The following HACD3 variants were observed in gnomAD, a reference collection of about 807,000 sequenced individuals.
The protein encoded by HACD3 is 3-hydroxyacyl-CoA dehydratase 3, also known as very-long-chain (3R)-3-hydroxyacyl-CoA dehydratase 3.
A neutral mutation model predicts 55.2 loss-of-function variants in HACD3; 30 were observed. That is an observed-to-expected ratio of 0.54 (90% CI 0.41 to 0.74). The LOEUF (loss-of-function observed/expected upper bound fraction) is 0.74, where lower values mean the gene tolerates loss of function less well. Among genes scored for constraint, HACD3 ranks in the 30% least tolerant of loss-of-function variants. HACD3 has a pLI of 0.00. For missense variants in HACD3, 363 were observed against 440.1 expected, an observed-to-expected ratio of 0.82 and a Z score of 1.57; for synonymous variants, 141 against 151.7, an observed-to-expected ratio of 0.93 and a Z score of 0.52.
At chr15:65,544,101 C>T (rs770755828) in intron 1 of HACD3, among the ~76,000 whole-genome samples, 1 of 152,004 alleles carries the variant, frequency 6.6e-6, no homozygotes, top group African/African-American at 2.4e-5. Flanking sequence ...GGCGTGAACC[C>T]GGGAGGCGGA....
chr15:65,541,323 T>C (rs1326762505), intron 1 of HACD3, among the ~76,000 whole-genome samples: 1 of 152,228 alleles, frequency 6.6e-6, no homozygotes, highest in Admixed American at 6.5e-5. Context: ...AGCTTTCTTA[T>C]TACTTTGAGT....
intron 5 of HACD3, among the ~76,000 whole-genome samples, chr15:65,559,931 G>C (rs1198331035): frequency 1.3e-5 from 2 of 152,118 alleles, no homozygotes; most frequent in East Asian, 3.8e-4. Context: ...GAACAAGGAA[G>C]TTCTTTATGG....
At chr15:65,560,518 C>G (rs1287724586) in intron 5 of HACD3, among the ~76,000 whole-genome samples, 1 of 152,138 alleles carries the variant, frequency 6.6e-6, no homozygotes, top group Non-Finnish European at 1.5e-5. Flanking sequence ...CCAGATCAGG[C>G]CAAGTATGAT....
intron 1 of HACD3, among the ~76,000 whole-genome samples, chr15:65,536,761 A>G (rs1019309889): frequency 1.3e-5 from 2 of 152,088 alleles, no homozygotes; most frequent in Non-Finnish European, 2.9e-5. Context: ...AAAACAAAAC[A>G]AACAAACAAG....
In HACD3 at chr15:65,541,622, T is replaced by C. The variant is rs111783984; in HGVS notation, c.88-10054T>C. Among the ~76,000 whole-genome samples the C allele has an allele frequency of 2.6e-3, 401 of 152,308 alleles. 1 individual carries two copies. Among genetic ancestry groups the C allele is most frequent in the African/African-American group, 8.8e-3 (366 of 41,568 alleles). Reference sequence around the variant, plus strand: ...CAGAAAGCAGGGACAGTTCTATGATTTGGTATTTTGTGGTTGGCATAGTGA... The same window carrying C: ...CAGAAAGCAGGGACAGTTCTATGATCTGGTATTTTGTGGTTGGCATAGTGA... On this transcript the variant is annotated intron_variant, in intron 1 of 10. Transcript: ENST00000261875.
At chr15:65,575,953 G>A (rs1483818874) in intron 10 of HACD3, among the ~76,000 whole-genome samples, 4 of 152,132 alleles carry the variant, frequency 2.6e-5, no homozygotes, top group Non-Finnish European at 5.9e-5. Context: ...AATTAGCCAG[G>A]CATGGTGGTG....
chr15:65,571,214 T>G (rs2072344296), intron 8 of HACD3, among the ~76,000 whole-genome samples: 1 of 152,184 alleles, frequency 6.6e-6, no homozygotes, highest in South Asian at 2.1e-4. Flanking sequence ...AACTCACTTA[T>G]CCAGAAATAA....
At chr15:65,575,740 T>C (rs1259884481) in intron 10 of HACD3, among the ~76,000 whole-genome samples, 1 of 152,198 alleles carries the variant, frequency 6.6e-6, no homozygotes, top group Non-Finnish European at 1.5e-5. Context: ...AGATGTTCCC[T>C]GTATAATGAT....
chr15:65,550,667 T>C (rs1158465785), intron 1 of HACD3, among the ~76,000 whole-genome samples: 1 of 152,192 alleles, frequency 6.6e-6, no homozygotes, highest in Non-Finnish European at 1.5e-5. Context: ...ACAATAGTCG[T>C]TTATTGTCTC....
In HACD3 at chr15:65,576,154, T is replaced by C. The variant is rs541812485; in HGVS notation, c.1013-149T>C. On this transcript the variant is annotated intron_variant, in intron 10 of 10. Transcript: ENST00000261875. The stretch of plus-strand genomic sequence containing the variant: ...GCTTTGTGTCTATTGTATTGTTAAT[T>C]TGTTCTAAATTGTACTCCTTCCTGA... The C allele has an allele frequency of 9.9e-4, 1,145 of 1,160,122 alleles. 1 individual carries two copies. The highest frequency in any genetic ancestry group is 1.2e-3 in the Non-Finnish European group (952 of 827,632). 71.9% of individuals were successfully genotyped at this position (1,160,122 alleles called of 1,614,324 possible).
intron 8 of HACD3, among the ~76,000 whole-genome samples, chr15:65,570,742 A>T (rs1163244747): frequency 6.6e-6 from 1 of 152,202 alleles, no homozygotes; most frequent in Non-Finnish European, 1.5e-5. Context: ...TTACCAGACC[A>T]TACACACTCC....
intron 1 of HACD3, among the ~76,000 whole-genome samples, chr15:65,532,459 C>G (rs1407441096): frequency 6.6e-6 from 1 of 152,014 alleles, no homozygotes; most frequent in Non-Finnish European, 1.5e-5. Context: ...AACCCCATCT[C>G]TACTAAAAAT....
intron 6 of HACD3, among the ~76,000 whole-genome samples, chr15:65,563,727 T>C (rs916237571): frequency 6.6e-6 from 1 of 151,944 alleles, no homozygotes; most frequent in African/African-American, 2.4e-5. Flanking sequence ...TCCCAGTACT[T>C]TGGGAGGTCT....
At chr15:65,552,352 T>C (rs1489624990) in intron 2 of HACD3, among the ~76,000 whole-genome samples, 3 of 152,224 alleles carry the variant, frequency 2.0e-5, no homozygotes, top group Non-Finnish European at 2.9e-5. Flanking sequence ...TTTATTTATT[T>C]TGAGATTGAG....
chr15:65,545,261 C>G (rs1266624966), intron 1 of HACD3, among the ~76,000 whole-genome samples: 2 of 151,990 alleles, frequency 1.3e-5, no homozygotes, highest in African/African-American at 4.8e-5. Context: ...CATAAGGATG[C>G]CATAAGTAAC....
chr15:65,535,388 T>C (rs1456342003), intron 1 of HACD3, among the ~76,000 whole-genome samples: 2 of 152,174 alleles, frequency 1.3e-5, no homozygotes, highest in African/African-American at 2.4e-5. Context: ...GCAGATAATA[T>C]AAACATTTCA....
At chr15:65,551,633 C>G in intron 1 of HACD3, 43 bp from the exon 2 acceptor site, 1 of 1,610,956 alleles carries the variant, frequency 6.2e-7, no homozygotes. Context: ...CATTTTTTCT[C>G]TTCATTAAAA....
chr15:65,537,377 G>T lies in HACD3; in HGVS notation c.87+6659G>T, dbSNP rs912700584. Among the ~76,000 whole-genome samples the T allele has an allele frequency of 3.3e-5, 5 of 152,224 alleles. 1 individual carries two copies. The East Asian group carries it at 9.7e-4, about 29-fold the overall frequency. On this transcript the variant is annotated intron_variant, in intron 1 of 10. Transcript: ENST00000261875. ...CTTTTATAGTTAGAGAGAAGTCAAT[G>T]CCTGGCCTCAAAGCTTCAAAGGACA...
chr15:65,570,309 T>A, intron 8 of HACD3, 106 bp downstream of exon 8: 1 of 794,460 alleles, frequency 1.3e-6, no homozygotes, highest in Non-Finnish European at 2.0e-6. Flanking sequence ...GGTTTGGGAC[T>A]AAGATTACAT....
Sources: gnomAD v4.1 joint callset for allele counts (sites outside exome capture counted in the v4.1 genomes callset) on GRCh38, gnomAD v4.1.1 for gene constraint, MANE v1.5 for transcripts, NCBI Gene and HGNC (gene_info 2026-07-23, HGNC 2026-07-21) for gene names.